HORMAD2: variants seen among roughly 807,000 people sequenced by gnomAD.
The protein encoded by HORMAD2 is HORMA domain containing 2.
Under a neutral mutation model 38.8 loss-of-function variants are expected in HORMAD2, and 45 were observed. That is an observed-to-expected ratio of 1.16 (90% CI 0.91 to 1.49). HORMAD2 has a LOEUF of 1.49. Ranked by LOEUF, HORMAD2 falls within the 40% of genes most tolerant of loss-of-function variation. The pLI is 0.00. For missense variants in HORMAD2, 338 were observed against 367.0 expected (o/e 0.92, Z 0.65); for synonymous variants, 126 against 122.8 (o/e 1.03, Z -0.17).
intron 10 of HORMAD2, among the ~76,000 whole-genome samples, chr22:30,139,541 A>G (rs553529357): frequency 4.2e-4 from 64 of 151,914 alleles, no homozygotes; most frequent in Admixed American, 3.3e-4. Context: ...TGCCATCTGC[A>G]AATAGATATA....
chr22:30,183,036 G>C, the HORMAD2 span, among the ~76,000 whole-genome samples: 1 of 152,076 alleles, frequency 6.6e-6, no homozygotes, highest in Admixed American at 6.6e-5. Context: ...ACTTGCTTAC[G>C]CACATTTATT....
At position 30,142,045 on chromosome 22, in the gene HORMAD2, T is replaced by C. The variant is rs377099674; in HGVS notation, c.819+19831T>C. ...CAAGAGAATGGCTTGAGGTGAGGAGTTTGAGACTAGCCTGAGCAACATAGT... is the reference window on the plus strand; with the variant it reads ...CAAGAGAATGGCTTGAGGTGAGGAGCTTGAGACTAGCCTGAGCAACATAGT... On this transcript the variant is annotated intron_variant, in intron 10 of 10. Coordinates refer to ENST00000336726, the MANE Select transcript of HORMAD2 (RefSeq NM_152510.4). Among the ~76,000 whole-genome samples, 12 of 151,184 alleles carry C rather than the reference T, an allele frequency of 7.9e-5. No homozygotes were observed. The East Asian group carries it at 2.1e-3, about 27-fold the overall frequency.
chr22:30,165,085 T>A (rs1925697413), intron 10 of HORMAD2, among the ~76,000 whole-genome samples: 1 of 152,232 alleles, frequency 6.6e-6, no homozygotes, highest in African/African-American at 2.4e-5. Flanking sequence ...TCTTTGATCC[T>A]TTCTGAGTTA....
At chr22:30,104,040 C>T (rs955409679) in intron 4 of HORMAD2, among the ~76,000 whole-genome samples, 3 of 151,976 alleles carry the variant, frequency 2.0e-5, no homozygotes, top group Non-Finnish European at 4.4e-5. Context: ...ACTGATTTAG[C>T]TTTTTGAAAG....
At chr22:30,116,110 G>C (rs530216562) in intron 7 of HORMAD2, among the ~76,000 whole-genome samples, 2 of 152,078 alleles carry the variant, frequency 1.3e-5, no homozygotes, top group African/African-American at 4.8e-5. Context: ...ATCATTAACC[G>C]GAGACCACAT....
chr22:30,137,269 T>C (rs773831125), intron 10 of HORMAD2: 80 of 555,214 alleles, frequency 1.4e-4, no homozygotes, highest in Middle Eastern at 1.1e-3. Flanking sequence ...TTCAAACACA[T>C]GACCCTTGAG....
chr22:30,206,613 C>G, the HORMAD2 span, among the ~76,000 whole-genome samples: 1 of 151,800 alleles, frequency 6.6e-6, no homozygotes, highest in Non-Finnish European at 1.5e-5. Flanking sequence ...CTACCAGGAA[C>G]TGGAACTACA....
At position 30,176,379 on chromosome 22, in the gene HORMAD2, C is replaced by T. The variant is rs1569123892; in HGVS notation, c.*212C>T. On this transcript the variant is annotated 3_prime_UTR_variant, in exon 11 of 11. Transcript: ENST00000336726. ...AAGGAAAGCGGGTCAATAGGGCTGC[C>T]TCTGGATAGCATTACTTCAAAGCTG... 2 of 489,956 alleles carry T rather than the reference C, an allele frequency of 4.1e-6. No homozygotes were observed. The highest frequency in any genetic ancestry group is 7.3e-6 in the Non-Finnish European group (2 of 274,014). The allele number at this position is 489,956 out of a possible 1,614,324, so 30.4% of individuals were successfully genotyped here. A position where few individuals can be genotyped will look rare whatever the true frequency, so the allele number is the denominator to read the frequency against.
chr22:30,169,702 A>T (rs1397903156), intron 10 of HORMAD2, among the ~76,000 whole-genome samples: 1 of 152,226 alleles, frequency 6.6e-6, no homozygotes. Context: ...GATATCTCAC[A>T]TCTAATTCGG....
chr22:30,132,228 A>G (rs1461724909), intron 10 of HORMAD2, among the ~76,000 whole-genome samples: 1 of 152,198 alleles, frequency 6.6e-6, no homozygotes, highest in Non-Finnish European at 1.5e-5. Context: ...GAAGTGGGGT[A>G]GATTATTGAA....
the HORMAD2 span, among the ~76,000 whole-genome samples, chr22:30,193,308 T>G: frequency 1.3e-5 from 2 of 152,202 alleles, no homozygotes; most frequent in African/African-American, 4.8e-5. Context: ...GTCCTTATTT[T>G]GTCCCCCAAT....
At chr22:30,143,630 T>C (rs1464884325) in intron 10 of HORMAD2, among the ~76,000 whole-genome samples, 1 of 152,214 alleles carries the variant, frequency 6.6e-6, no homozygotes, top group Non-Finnish European at 1.5e-5. Context: ...TCAGCATTTT[T>C]ACTATGATAT....
chr22:30,089,499 C>T (rs2068644025), intron 1 of HORMAD2, among the ~76,000 whole-genome samples: 1 of 151,960 alleles, frequency 6.6e-6, no homozygotes, highest in South Asian at 2.1e-4. Flanking sequence ...ACTATAGGCG[C>T]CTGCCACTAT....
intron 2 of HORMAD2, among the ~76,000 whole-genome samples, chr22:30,095,422 C>T (rs1031682872): frequency 6.6e-6 from 1 of 152,162 alleles, no homozygotes; most frequent in Non-Finnish European, 1.5e-5. Flanking sequence ...GTTCAGCTTA[C>T]CTGCTTTGGA....
At chr22:30,146,305 AC>A (rs1368227453) in intron 10 of HORMAD2, among the ~76,000 whole-genome samples, 1 of 152,056 alleles carries the variant, frequency 6.6e-6, no homozygotes, top group African/African-American at 2.4e-5. Context: ...ATCCTGTCCA[AC>A]ATGGTGAAAC....
chr22:30,180,001 A>C (rs910512980), downstream of HORMAD2, among the ~76,000 whole-genome samples: 1 of 152,048 alleles, frequency 6.6e-6, no homozygotes, highest in African/African-American at 2.4e-5. Flanking sequence ...TGATCCTCCC[A>C]CCTCAGCCTC....
intron 10 of HORMAD2, among the ~76,000 whole-genome samples, chr22:30,129,858 T>C (rs1352754626): frequency 6.6e-6 from 1 of 152,106 alleles, no homozygotes; most frequent in Non-Finnish European, 1.5e-5. Context: ...GCAGTGATCA[T>C]GGCAGAGGAC....
chr22:30,199,176 AC>A, the HORMAD2 span, among the ~76,000 whole-genome samples: 1 of 152,146 alleles, frequency 6.6e-6, no homozygotes, highest in Admixed American at 6.6e-5. Flanking sequence ...TAATTACCAA[AC>A]CCCCTCTCAG....
At chr22:30,166,944 TC>T (rs372752428) in intron 10 of HORMAD2, among the ~76,000 whole-genome samples, 32 of 152,308 alleles carry the variant, frequency 2.1e-4, no homozygotes, top group African/African-American at 7.5e-4. Context: ...GAGGATTAGC[TC>T]CCTTGGTTGC....
Sources: gnomAD v4.1 joint callset for allele counts (sites outside exome capture counted in the v4.1 genomes callset) on GRCh38, gnomAD v4.1.1 for gene constraint, MANE v1.5 for transcripts, NCBI Gene and HGNC (gene_info 2026-07-23, HGNC 2026-07-21) for gene names.